Variants in HS3ST4 observed in about 807,000 individuals in gnomAD.
The protein encoded by HS3ST4 is heparan sulfate glucosamine 3-O-sulfotransferase 4.
A neutral mutation model predicts 29.2 loss-of-function variants in HS3ST4; 17 were observed. That is an observed-to-expected ratio of 0.58 (90% CI 0.40 to 0.87). HS3ST4 has a LOEUF of 0.87. Among genes scored for constraint, HS3ST4 ranks in the 40% least tolerant of loss-of-function variants. The probability of loss-of-function intolerance (pLI) is 0.00; values close to 1 mark genes in which losing one functional copy is unlikely to be tolerated. For missense variants in HS3ST4, 627 were observed against 634.5 expected (o/e 0.99, Z 0.13); for synonymous variants, 314 against 285.7 (o/e 1.10, Z -1.00).
At chr16:25,847,950 T>C (rs1967482397) in intron 1 of HS3ST4, among the ~76,000 whole-genome samples, 1 of 152,208 alleles carries the variant, frequency 6.6e-6, no homozygotes, top group Non-Finnish European at 1.5e-5. Context: ...TCTTTACTGC[T>C]GGTAAAATAC....
chr16:26,017,209 C>T (rs1969370687), intron 1 of HS3ST4, among the ~76,000 whole-genome samples: 1 of 152,116 alleles, frequency 6.6e-6, no homozygotes, highest in Non-Finnish European at 1.5e-5. Flanking sequence ...TAACAAAATC[C>T]TAAAACATTT....
rs575606189 is a variant in HS3ST4 at position 25,861,234 on chromosome 16, G to A, written c.734+168083G>A. Among the ~76,000 whole-genome samples, 15 of 152,168 alleles carry A rather than the reference G, an allele frequency of 9.9e-5. No individual in the cohort carries two copies. In the East Asian group the frequency reaches 2.5e-3, roughly 26 times the overall value. On this transcript the variant is annotated intron_variant, in intron 1 of 1. Coordinates refer to ENST00000331351, the MANE Select transcript of HS3ST4 (RefSeq NM_006040.3). ...AAGCAGTGAGGTCCTGGTGTCTGTCGCTGCAGTGGTGGCTTTTGATACAGG... is the reference window on the plus strand; with the variant it reads ...AAGCAGTGAGGTCCTGGTGTCTGTCACTGCAGTGGTGGCTTTTGATACAGG...
At chr16:25,760,423 G>GTT (rs386384530) in intron 1 of HS3ST4, among the ~76,000 whole-genome samples, 114,958 of 139,392 alleles carry the variant, frequency 0.82, 47,984 homozygotes, top group East Asian at 0.97. Flanking sequence ...ATGACTCCAT[G>GTT]TTTTTTTTTT....
intron 1 of HS3ST4, among the ~76,000 whole-genome samples, chr16:26,122,089 T>C (rs1899283896): frequency 6.7e-6 from 1 of 149,966 alleles, no homozygotes; most frequent in Non-Finnish European, 1.5e-5. Context: ...GTTTAGATTT[T>C]AGATCCACGC....
intron 1 of HS3ST4, among the ~76,000 whole-genome samples, chr16:26,095,012 CAAAG>C (rs1262860028): frequency 6.6e-6 from 1 of 151,946 alleles, no homozygotes; most frequent in African/African-American, 2.4e-5. Context: ...TCAAAAGAGA[CAAAG>C]AAGGCCATTA....
At chr16:25,827,689 A>C (rs1322528321) in intron 1 of HS3ST4, among the ~76,000 whole-genome samples, 1 of 152,208 alleles carries the variant, frequency 6.6e-6, no homozygotes, top group African/African-American at 2.4e-5. Flanking sequence ...TTTCTCCCTT[A>C]CATTAGATAA....
At chr16:25,693,294 G>C in intron 1 of HS3ST4, 143 bp downstream of exon 1, 2 of 884,846 alleles carry the variant, frequency 2.3e-6, no homozygotes, top group East Asian at 3.1e-5. Context: ...CCCTGGCGGC[G>C]TTGCTCAGGG....
At chr16:26,003,444 G>T (rs1969229856) in intron 1 of HS3ST4, among the ~76,000 whole-genome samples, 1 of 152,160 alleles carries the variant, frequency 6.6e-6, no homozygotes, top group Non-Finnish European at 1.5e-5. Flanking sequence ...CTCGAGGAAT[G>T]TCTATCACAA....
At chr16:25,733,904 G>A (rs767765509) in intron 1 of HS3ST4, among the ~76,000 whole-genome samples, 4 of 152,176 alleles carry the variant, frequency 2.6e-5, no homozygotes, top group Non-Finnish European at 5.9e-5. Context: ...AGATCACGAG[G>A]TCAGGAGTTC....
intron 1 of HS3ST4, among the ~76,000 whole-genome samples, chr16:25,991,454 A>G (rs1280287917): frequency 6.6e-6 from 1 of 152,220 alleles, no homozygotes; most frequent in Non-Finnish European, 1.5e-5. Context: ...ACTGAGACAG[A>G]GTACCATTAA....
At chr16:25,712,820 A>G (rs1966425947) in intron 1 of HS3ST4, among the ~76,000 whole-genome samples, 1 of 152,120 alleles carries the variant, frequency 6.6e-6, no homozygotes, top group Non-Finnish European at 1.5e-5. Context: ...AACACAAGAG[A>G]CTGGGTGACA....
chr16:25,935,976 G>A (rs954452764), intron 1 of HS3ST4, among the ~76,000 whole-genome samples: 4 of 152,042 alleles, frequency 2.6e-5, no homozygotes, highest in Admixed American at 2.6e-4. Flanking sequence ...TGTTTCCCAG[G>A]CTTGTCTCCT....
intron 1 of HS3ST4, among the ~76,000 whole-genome samples, chr16:25,877,840 A>G (rs747432039): frequency 1.3e-5 from 2 of 152,212 alleles, no homozygotes; most frequent in East Asian, 1.9e-4. Flanking sequence ...CACTGATTTC[A>G]TCATTTCTTC....
intron 1 of HS3ST4, among the ~76,000 whole-genome samples, chr16:26,028,576 A>T (rs533594570): frequency 6.6e-6 from 1 of 152,180 alleles, no homozygotes; most frequent in South Asian, 2.1e-4. Flanking sequence ...CCAGCCTGAG[A>T]GAGGCTTCTT....
chr16:25,854,507 T>C (rs1967555094), intron 1 of HS3ST4, among the ~76,000 whole-genome samples: 1 of 152,146 alleles, frequency 6.6e-6, no homozygotes, highest in African/African-American at 2.4e-5. Context: ...CTTTGTGACC[T>C]GTATCCTGTG....
At chr16:25,832,588 C>T (rs1306831348) in intron 1 of HS3ST4, among the ~76,000 whole-genome samples, 3 of 152,112 alleles carry the variant, frequency 2.0e-5, no homozygotes, top group Non-Finnish European at 2.9e-5. Context: ...TTTATGAAAT[C>T]GTTGTGTTTA....
intron 1 of HS3ST4, among the ~76,000 whole-genome samples, chr16:25,766,616 A>C (rs1224284069): frequency 2.6e-5 from 4 of 152,254 alleles, no homozygotes; most frequent in Non-Finnish European, 5.9e-5. Flanking sequence ...TTTAAAACCA[A>C]GAAATATTTA....
At chr16:25,877,230 C>A (rs1412287759) in intron 1 of HS3ST4, among the ~76,000 whole-genome samples, 1 of 152,026 alleles carries the variant, frequency 6.6e-6, no homozygotes, top group African/African-American at 2.4e-5. Flanking sequence ...TCATGTCTAC[C>A]CAGAATCTGT....
At chr16:26,057,205 G>C (rs924131559) in intron 1 of HS3ST4, among the ~76,000 whole-genome samples, 1 of 152,186 alleles carries the variant, frequency 6.6e-6, no homozygotes, top group Admixed American at 6.5e-5. Context: ...TGGATAAGGG[G>C]TACTCAACCT....
Sources: allele counts gnomAD v4.1 joint callset (sites outside exome capture counted in the v4.1 genomes callset), GRCh38; gene constraint gnomAD v4.1.1; transcripts MANE v1.5; gene names NCBI Gene and HGNC (gene_info 2026-07-23, HGNC 2026-07-21).